PDE4D: variants seen among roughly 807,000 people sequenced by gnomAD.
PDE4D encodes the protein 3',5'-cyclic-AMP phosphodiesterase 4D.
PDE4D carries 24 observed loss-of-function variants against 87.4 expected under a neutral mutation model. The ratio of observed to expected loss-of-function variants is 0.27; its 90% CI spans 0.20 to 0.39. The LOEUF (loss-of-function observed/expected upper bound fraction) is 0.39, where lower values mean the gene tolerates loss of function less well. Among genes scored for constraint, PDE4D ranks in the 10% least tolerant of loss-of-function variants. PDE4D has a pLI of 1.00. For missense variants in PDE4D, 714 were observed against 1,041.0 expected (o/e 0.69, Z 4.32); for synonymous variants, 384 against 383.2 (o/e 1.00, Z -0.02).
chr5:59,656,109 G>A (rs62370463), intron 1 of PDE4D, among the ~76,000 whole-genome samples: 9,376 of 151,988 alleles, frequency 0.062, 343 homozygotes, highest in Non-Finnish European at 0.079. Context: ...CACAGACACA[G>A]ATGTACATTC....
At chr5:59,521,451 A>AT (rs1158269217) in intron 1 of PDE4D, among the ~76,000 whole-genome samples, 1 of 152,094 alleles carries the variant, frequency 6.6e-6, no homozygotes, top group African/African-American at 2.4e-5. Flanking sequence ...AAAAGAGAGG[A>AT]TTTTTTTGTT....
At chr5:59,200,155 A>G (rs1746723627) in intron 2 of PDE4D, among the ~76,000 whole-genome samples, 1 of 49,378 alleles carries the variant, frequency 2.0e-5, no homozygotes, top group Non-Finnish European at 7.0e-5. Context: ...ACGTATATGT[A>G]TATATAAGTA....
At chr5:60,382,585 T>C (rs948544872) in intron 1 of PDE4D, among the ~76,000 whole-genome samples, 2 of 152,166 alleles carry the variant, frequency 1.3e-5, no homozygotes, top group Non-Finnish European at 2.9e-5. Flanking sequence ...TTTCAGAAAC[T>C]CCTTTAAATA....
intron 2 of PDE4D, among the ~76,000 whole-genome samples, chr5:59,213,356 C>G (rs1750511895): frequency 6.6e-6 from 1 of 151,946 alleles, no homozygotes; most frequent in Non-Finnish European, 1.5e-5. Context: ...AGGACAAGGT[C>G]TCACTATGTT....
At chr5:59,603,620 T>A (rs1827806259) in intron 1 of PDE4D, among the ~76,000 whole-genome samples, 1 of 152,020 alleles carries the variant, frequency 6.6e-6, no homozygotes, top group East Asian at 1.9e-4. Context: ...AGAACTACCA[T>A]ATGATCCAGC....
intron 1 of PDE4D, among the ~76,000 whole-genome samples, chr5:60,503,180 G>T (rs1173483455): frequency 6.6e-6 from 1 of 152,140 alleles, no homozygotes; most frequent in Non-Finnish European, 1.5e-5. Context: ...GGAAGAGAAA[G>T]AAAGTGAGGG....
intron 1 of PDE4D, among the ~76,000 whole-genome samples, chr5:59,411,304 A>G (rs1194213869): frequency 6.6e-6 from 1 of 152,018 alleles, no homozygotes; most frequent in Non-Finnish European, 1.5e-5. Flanking sequence ...TCACATCTCT[A>G]GTTGTTTCTT....
At chr5:60,197,067 AG>A (rs1741318478) in intron 1 of PDE4D, among the ~76,000 whole-genome samples, 4 of 112,122 alleles carry the variant, frequency 3.6e-5, no homozygotes, top group African/African-American at 1.5e-4. Context: ...ATAGATAGAT[AG>A]ATAGACAGTT....
At position 58,975,791 on chromosome 5, in the gene PDE4D, G is replaced by T; in HGVS notation, c.1879C>A (p.Pro627Thr). The T allele has an allele frequency of 6.2e-7, 1 of 1,609,710 alleles. No homozygotes were observed. Among genetic ancestry groups the T allele is most frequent in the South Asian group, 1.1e-5 (1 of 90,342 alleles). Residue 627 changes from proline to threonine, a missense_variant, in exon 14 of 15, where the codon CCT becomes ACT. Pro to Thr is a conservative substitution (Grantham distance 38, BLOSUM62 -1). Coordinates refer to ENST00000340635, the MANE Select transcript of PDE4D (RefSeq NM_001104631.2). This position sits in a 1 kb window ranked among gnomAD's most constrained non-coding sequence, Gnocchi z 4.2. ...GTCCACTGGCGGTACAGCTGGAGAG[G>T]CTTTGTTGGGTTGCTCAGATCTGCA... ...HCADLSNPTK[P>T]LQLYRQWTDR...
intron 1 of PDE4D, among the ~76,000 whole-genome samples, chr5:60,503,007 A>G (rs1750155780): frequency 6.6e-6 from 1 of 152,142 alleles, no homozygotes; most frequent in African/African-American, 2.4e-5. Context: ...AAATTCACTT[A>G]TGCTCTCAGC....
At chr5:59,437,381 G>A (rs765865966) in intron 1 of PDE4D, among the ~76,000 whole-genome samples, 32 of 152,044 alleles carry the variant, frequency 2.1e-4, no homozygotes, top group Non-Finnish European at 3.8e-4. Context: ...AGATACAAAC[G>A]GTTGCCAATA....
intron 3 of PDE4D, among the ~76,000 whole-genome samples, chr5:59,966,449 C>A (rs1248542111): frequency 2.0e-5 from 3 of 152,150 alleles, no homozygotes; most frequent in Admixed American, 2.0e-4. Context: ...AGGCCTATGT[C>A]ATTCAAAACA....
chr5:60,455,915 T>C (rs908274346), intron 1 of PDE4D, among the ~76,000 whole-genome samples: 2 of 152,164 alleles, frequency 1.3e-5, no homozygotes, highest in African/African-American at 2.4e-5. Context: ...GAGTTAGAAA[T>C]GTCAGCCCAT....
At chr5:60,382,797 A>G in intron 1 of PDE4D, among the ~76,000 whole-genome samples, 1 of 152,178 alleles carries the variant, frequency 6.6e-6, no homozygotes, top group South Asian at 2.1e-4. Flanking sequence ...AAAGAGATTT[A>G]TGAATTGGTT....
chr5:59,922,255 A>C (rs968244809), intron 3 of PDE4D, among the ~76,000 whole-genome samples: 2 of 152,152 alleles, frequency 1.3e-5, no homozygotes, highest in African/African-American at 4.8e-5. Flanking sequence ...GTACTAAATA[A>C]ACTTGAACGA....
intron 2 of PDE4D, among the ~76,000 whole-genome samples, chr5:60,124,474 CA>C: frequency 6.6e-6 from 1 of 152,008 alleles, no homozygotes; most frequent in Admixed American, 6.6e-5. Flanking sequence ...AAAATAATAG[CA>C]AATCAGAAAA....
chr5:59,259,888 C>T (rs1041173933), intron 1 of PDE4D, among the ~76,000 whole-genome samples: 9 of 151,698 alleles, frequency 5.9e-5, no homozygotes, highest in Admixed American at 1.3e-4. Context: ...TTCTTCTCTC[C>T]GTCGGTCTGA....
At chr5:59,037,201 A>G (rs576791060) in intron 6 of PDE4D, among the ~76,000 whole-genome samples, 4 of 152,212 alleles carry the variant, frequency 2.6e-5, no homozygotes, top group East Asian at 1.9e-4. Flanking sequence ...AAGAATATGG[A>G]TTTTAGGGAA....
At chr5:60,048,236 T>C (rs906889033) in intron 2 of PDE4D, among the ~76,000 whole-genome samples, 16 of 152,200 alleles carry the variant, frequency 1.1e-4, no homozygotes, top group African/African-American at 3.9e-4. Context: ...TCCTCCATCC[T>C]TTTATTTTGA....
Sources: gnomAD v4.1 joint callset for allele counts (sites outside exome capture counted in the v4.1 genomes callset) on GRCh38, gnomAD v4.1.1 for gene constraint, Gnocchi (gnomAD v3.1) non-coding constraint, MANE v1.5 for transcripts, NCBI Gene and HGNC (gene_info 2026-07-23, HGNC 2026-07-21) for gene names.